Variants in HEATR3 observed in about 807,000 individuals in gnomAD.
HEATR3 encodes HEAT repeat containing 3, also known as HEAT repeat-containing protein 3.
In HEATR3, 56 loss-of-function variants were observed where a neutral mutation model predicts 72.8. That is an observed-to-expected ratio of 0.77 (90% confidence interval 0.62 to 0.96). HEATR3 has a LOEUF of 0.96. Among genes scored for constraint, HEATR3 ranks in the 40% least tolerant of loss-of-function variants. The pLI is 0.00. For missense variants in HEATR3, 747 were observed against 831.4 expected (o/e 0.90, Z 1.25); for synonymous variants, 331 against 318.1 (o/e 1.04, Z -0.43).
intron 11 of HEATR3, 133 bp downstream of exon 11, chr16:50,086,484 T>C: frequency 1.0e-6 from 1 of 974,398 alleles, no homozygotes; most frequent in Non-Finnish European, 1.5e-6. Flanking sequence ...GAATCATGTA[T>C]TTATAGTTGC....
intron 2 of HEATR3, among the ~76,000 whole-genome samples, chr16:50,067,889 A>G (rs1035617078): frequency 6.6e-6 from 1 of 152,196 alleles, no homozygotes; most frequent in Non-Finnish European, 1.5e-5. Context: ...ATTGAGGGAG[A>G]CAAGCATTAA....
At chr16:50,073,013 C>T (rs573720101) in intron 5 of HEATR3, 2 of 290,144 alleles carry the variant, frequency 6.9e-6, no homozygotes, top group East Asian at 1.9e-4. Context: ...TTTTCATCTC[C>T]ATTTACTAAG....
In HEATR3 at chr16:50,105,956, A is replaced by G. The variant is rs2037479551; in HGVS notation, c.*895A>G. The G allele has an allele frequency of 6.6e-6, 1 of 151,942 alleles. No individual in the cohort carries two copies. Among genetic ancestry groups the G allele is most frequent in the African/African-American group, 2.4e-5 (1 of 41,364 alleles). 9.4% of individuals were successfully genotyped at this position (151,942 alleles called of 1,614,324 possible). A position where few individuals can be genotyped will look rare whatever the true frequency, so the allele number is the denominator to read the frequency against. ...CTCTGGCATATTTTAATCACTGGAA[A>G]CTCAAAGAGTGGAAGAGTGGAAGTG... is the stretch of plus-strand genomic sequence containing the variant. On this transcript the variant is annotated 3_prime_UTR_variant, in exon 15 of 15. Coordinates refer to ENST00000299192, the MANE Select transcript of HEATR3 (RefSeq NM_182922.4).
chr16:50,096,053 G>A (rs527342414), intron 12 of HEATR3, among the ~76,000 whole-genome samples: 37 of 152,112 alleles, frequency 2.4e-4, no homozygotes, highest in East Asian at 5.8e-4. Flanking sequence ...GGCCAGGCAC[G>A]GTGGCTCACA....
At chr16:50,077,393 A>T (rs1348025903) in intron 6 of HEATR3, among the ~76,000 whole-genome samples, 1 of 141,578 alleles carries the variant, frequency 7.1e-6, no homozygotes, top group Admixed American at 7.0e-5. Flanking sequence ...GAGCTCTTGT[A>T]ATCTGCCCAC....
chr16:50,092,977 T>C lies in HEATR3; in HGVS notation c.1511-1728T>C, dbSNP rs559325922. On this transcript the variant is annotated intron_variant, in intron 11 of 14. Coordinates refer to ENST00000299192, the MANE Select transcript of HEATR3 (RefSeq NM_182922.4). ...GAAAGGCCTCTGTGAGGAGGTAACATTTGAGCCAAGACTAAAATGAAGGCA... is the reference window on the plus strand; with the variant it reads ...GAAAGGCCTCTGTGAGGAGGTAACACTTGAGCCAAGACTAAAATGAAGGCA... Among the ~76,000 whole-genome samples the C allele has an allele frequency of 2.0e-5, 3 of 152,266 alleles. No individual in the cohort carries two copies. The East Asian group carries it at 5.8e-4, about 29-fold the overall frequency.
chr16:50,095,293 A>G (rs1449875377), intron 12 of HEATR3, among the ~76,000 whole-genome samples: 1 of 151,968 alleles, frequency 6.6e-6, no homozygotes, highest in African/African-American at 2.4e-5. Flanking sequence ...TTTTTAGTAG[A>G]GACGGGGTTT....
chr16:50,069,945 AG>A (rs1278146658), intron 3 of HEATR3, among the ~76,000 whole-genome samples: 9 of 152,216 alleles, frequency 5.9e-5, no homozygotes, highest in Admixed American at 5.9e-4. Context: ...AATAAACAGA[AG>A]GTGCTAGGTA....
At chr16:50,094,947 AAGT>A (rs1311652911) in intron 12 of HEATR3, 154 bp downstream of exon 12, 1 of 473,986 alleles carries the variant, frequency 2.1e-6, no homozygotes, top group Non-Finnish European at 3.8e-6. Flanking sequence ...TTAAAATAAA[AAGT>A]AATATCTTTC....
chr16:50,080,263 G>C (rs908990089), intron 7 of HEATR3: 1 of 152,084 alleles, frequency 6.6e-6, no homozygotes, highest in Non-Finnish European at 1.5e-5. Context: ...TGAGCAAACT[G>C]TGGGTGCAAA....
chr16:50,080,704 C>G (rs1037992058), intron 7 of HEATR3, among the ~76,000 whole-genome samples: 1 of 152,124 alleles, frequency 6.6e-6, no homozygotes, highest in Non-Finnish European at 1.5e-5. Flanking sequence ...TGTCTGGTCT[C>G]AAGCGATCTT....
chr16:50,106,546 C>G lies in HEATR3; in HGVS notation c.*1485C>G, dbSNP rs574712150. 3 of 152,254 alleles carry G rather than the reference C, an allele frequency of 2.0e-5. No individual in the cohort carries two copies. The East Asian group carries it at 5.8e-4, about 29-fold the overall frequency. 9.4% of individuals were successfully genotyped at this position (152,254 alleles called of 1,614,324 possible). A position where few individuals can be genotyped will look rare whatever the true frequency, so the allele number is the denominator to read the frequency against. ...ACAGCACGACTTTGCAGCATTACCTCTCAGTGTCTTCGAAGTACTAGGTGA... is the reference window on the plus strand; with the variant it reads ...ACAGCACGACTTTGCAGCATTACCTGTCAGTGTCTTCGAAGTACTAGGTGA... On this transcript the variant is annotated 3_prime_UTR_variant, in exon 15 of 15. Transcript: ENST00000299192.
chr16:50,100,407 A>G, intron 13 of HEATR3, 34 bp downstream of exon 13: 4 of 1,595,386 alleles, frequency 2.5e-6, no homozygotes, highest in Non-Finnish European at 3.4e-6. Flanking sequence ...AACATGTTAA[A>G]TAATTAGAAA....
chr16:50,086,352 G>A lies in HEATR3; in HGVS notation c.1510+1G>A, dbSNP rs1247821040. Reference sequence around the variant, plus strand: ...TCACAGCTGCTTTTTTCTCAACCAGGTATTTAGACTTTATTGCGAAAGACT... The same window carrying A: ...TCACAGCTGCTTTTTTCTCAACCAGATATTTAGACTTTATTGCGAAAGACT... On this transcript the variant is annotated splice_donor_variant, in intron 11 of 14. Coordinates refer to ENST00000299192, the MANE Select transcript of HEATR3 (RefSeq NM_182922.4). LOFTEE classifies it high-confidence loss of function. 6.2e-7 allele frequency: 1 copy of A among 1,603,184 alleles called. No individual in the cohort carries two copies. The highest frequency in any genetic ancestry group is 8.5e-7 in the Non-Finnish European group (1 of 1,175,406).
intron 6 of HEATR3, among the ~76,000 whole-genome samples, chr16:50,077,339 G>A (rs1394529298): frequency 1.3e-5 from 2 of 148,816 alleles, no homozygotes; most frequent in South Asian, 2.1e-4. Context: ...TTTTTTTGTA[G>A]AGATGGCATC....
rs1267927589 is a variant in HEATR3 at position 50,105,036 on chromosome 16, C to T, written c.2018C>T (p.Thr673Ile). Residue 673 changes from threonine (T) to isoleucine (I), a missense_variant, in exon 15 of 15, where the codon ACT becomes ATT. Coordinates refer to ENST00000299192, the MANE Select transcript of HEATR3 (RefSeq NM_182922.4). ...CGAAGATTTATTGCTTATCAAGAAA[C>T]TGTTGAGAAAAGACTGACTTCTTAA... ...NLRRFIAYQE[T>I]VEKRLTS The T allele has an allele frequency of 6.2e-7, 1 of 1,612,400 alleles. No individual in the cohort carries two copies. The highest frequency in any genetic ancestry group is 1.1e-5 in the South Asian group (1 of 90,472).
At chr16:50,097,351 T>TTC (rs2037265073) in intron 12 of HEATR3, among the ~76,000 whole-genome samples, 1 of 151,310 alleles carries the variant, frequency 6.6e-6, no homozygotes, top group Non-Finnish European at 1.5e-5. Context: ...TATGATTTTT[T>TTC]TTTTTTTCAG....
intron 14 of HEATR3, among the ~76,000 whole-genome samples, chr16:50,103,961 G>A (rs887263101): frequency 2.0e-5 from 3 of 152,164 alleles, no homozygotes; most frequent in African/African-American, 4.8e-5. Context: ...TGCAGGAGTT[G>A]GAGGCTACAG....
intron 7 of HEATR3, among the ~76,000 whole-genome samples, chr16:50,081,529 G>GA (rs1249000015): frequency 2.0e-5 from 3 of 151,776 alleles, no homozygotes; most frequent in East Asian, 1.9e-4. Flanking sequence ...GGGTAGAGGA[G>GA]AAAAAAAAGA....
Sources: allele counts gnomAD v4.1 joint callset (sites outside exome capture counted in the v4.1 genomes callset), GRCh38; gene constraint gnomAD v4.1.1; transcripts MANE v1.5; gene names NCBI Gene and HGNC (gene_info 2026-07-23, HGNC 2026-07-21).